Variants in MAST4 observed in about 807,000 individuals in gnomAD.
The protein encoded by MAST4 is microtubule associated serine/threonine kinase family member 4, also known as microtubule-associated serine/threonine-protein kinase 4.
Under a neutral mutation model 162.7 loss-of-function variants are expected in MAST4, and 89 were observed. That is an observed-to-expected ratio of 0.55 (90% CI 0.46 to 0.65). MAST4 has a LOEUF of 0.65. Among genes scored for constraint, MAST4 ranks in the 30% least tolerant of loss-of-function variants. The probability of loss-of-function intolerance (pLI) is 0.00; values close to 1 mark genes in which losing one functional copy is unlikely to be tolerated. For missense variants in MAST4, 3,153 were observed against 3,374.0 expected, an observed-to-expected ratio of 0.93 and a Z score of 1.62; for synonymous variants, 1,479 against 1,361.1, an observed-to-expected ratio of 1.09 and a Z score of -1.91.
chr5:66,962,114 CA>C (rs1276693080), intron 4 of MAST4, among the ~76,000 whole-genome samples: 2 of 152,140 alleles, frequency 1.3e-5, no homozygotes, highest in East Asian at 3.9e-4. Context: ...ATAGTAAGCC[CA>C]AATCTGATTT....
At chr5:66,689,037 G>A (rs1748870845) in intron 1 of MAST4, among the ~76,000 whole-genome samples, 1 of 151,976 alleles carries the variant, frequency 6.6e-6, no homozygotes, top group Non-Finnish European at 1.5e-5. Flanking sequence ...CTATCCTTAG[G>A]AAAAAGTTTT....
intron 4 of MAST4, among the ~76,000 whole-genome samples, chr5:67,017,810 G>T (rs1256630424): frequency 1.3e-5 from 2 of 151,844 alleles, no homozygotes; most frequent in African/African-American, 2.4e-5. Context: ...TGTTGGTCAG[G>T]CTGATCTGGA....
intron 1 of MAST4, among the ~76,000 whole-genome samples, chr5:66,674,409 A>G (rs1280780941): frequency 6.6e-6 from 1 of 152,200 alleles, no homozygotes; most frequent in African/African-American, 2.4e-5. Context: ...CATGACTACT[A>G]CTTGGAGTTC....
At chr5:66,796,058 G>C (rs1426796465) in intron 3 of MAST4, among the ~76,000 whole-genome samples, 1 of 152,178 alleles carries the variant, frequency 6.6e-6, no homozygotes, top group Admixed American at 6.5e-5. Flanking sequence ...TTATAGGTCA[G>C]GCCTAATCCA....
chr5:66,614,803 G>C lies in MAST4; in HGVS notation c.363+17785G>C, dbSNP rs78957416. ...GCAGGGACCTCACGGGACACATGCA[G>C]GGAGAGATCTATAGTTCCCTCGTGT... is the stretch of plus-strand genomic sequence containing the variant. On this transcript the variant is annotated intron_variant, in intron 1 of 28. Coordinates refer to ENST00000403625, the MANE Select transcript of MAST4 (RefSeq NM_001164664.2). Among the ~76,000 whole-genome samples the C allele has an allele frequency of 3.8e-3, 572 of 152,290 alleles. 17 individuals are homozygous for C. In the South Asian group the frequency reaches 0.063, roughly 17 times the overall value.
intron 4 of MAST4, among the ~76,000 whole-genome samples, chr5:67,049,200 A>T (rs750582358): frequency 3.5e-4 from 53 of 151,394 alleles, no homozygotes; most frequent in Non-Finnish European, 5.3e-4. Context: ...TTCTCTTTCT[A>T]GTTTCTATAT....
At chr5:66,883,858 C>A (rs567813621) in intron 3 of MAST4, among the ~76,000 whole-genome samples, 39 of 152,320 alleles carry the variant, frequency 2.6e-4, no homozygotes, top group African/African-American at 9.4e-4. Flanking sequence ...GATTTGATCA[C>A]TGTAGTACAC....
At chr5:66,849,592 GTTCC>G (rs143621351) in intron 3 of MAST4, among the ~76,000 whole-genome samples, 1,895 of 152,236 alleles carry the variant, frequency 0.012, 41 homozygotes, top group African/African-American at 0.043. Context: ...AGGGCAAGGC[GTTCC>G]TTCTGCAGAC....
At position 66,730,326 on chromosome 5, in the gene MAST4, G is replaced by A. The variant is rs1001808015; in HGVS notation, c.364-29383G>A. Among the ~76,000 whole-genome samples the A allele has an allele frequency of 2.0e-5, 3 of 152,126 alleles. No homozygotes were observed. The South Asian group carries it at 6.2e-4, about 32-fold the overall frequency. On this transcript the variant is annotated intron_variant, in intron 1 of 28. Coordinates refer to ENST00000403625, the MANE Select transcript of MAST4 (RefSeq NM_001164664.2). ...TTTTTAGAGGCCAAATGATGATGAT[G>A]TCAACTACTGATGAAGATGAATAGG...
At chr5:66,793,402 C>G (rs1227334764) in intron 3 of MAST4, among the ~76,000 whole-genome samples, 7 of 152,200 alleles carry the variant, frequency 4.6e-5, no homozygotes, top group Non-Finnish European at 8.8e-5. Context: ...TTTGCTTCTT[C>G]CATCTTTCTG....
intron 1 of MAST4, among the ~76,000 whole-genome samples, chr5:66,666,903 G>T (rs1580145485): frequency 6.6e-6 from 1 of 152,214 alleles, no homozygotes; most frequent in African/African-American, 2.4e-5. Flanking sequence ...CAATGCTAGG[G>T]TAAGAATAAG....
intron 12 of MAST4, among the ~76,000 whole-genome samples, chr5:67,116,377 T>G (rs1360347399): frequency 6.6e-6 from 1 of 151,654 alleles, no homozygotes; most frequent in Non-Finnish European, 1.5e-5. Flanking sequence ...AGCTAATTTT[T>G]GTATTTTTAG....
At chr5:66,651,629 T>A (rs1746226952) in intron 1 of MAST4, among the ~76,000 whole-genome samples, 1 of 152,092 alleles carries the variant, frequency 6.6e-6, no homozygotes, top group African/African-American at 2.4e-5. Context: ...CTCCAAAATG[T>A]AGCAGCTTTA....
intron 2 of MAST4, among the ~76,000 whole-genome samples, chr5:66,772,228 T>C (rs1006830911): frequency 6.6e-6 from 1 of 152,152 alleles, no homozygotes; most frequent in South Asian, 2.1e-4. Context: ...GGTGGTACCA[T>C]TTCACACAAC....
At chr5:67,144,530 A>G (rs1770822979) in intron 21 of MAST4, 139 bp from the exon 22 acceptor site, 1 of 817,580 alleles carries the variant, frequency 1.2e-6, no homozygotes, top group Non-Finnish European at 1.9e-6. Context: ...GGTTAACAAC[A>G]CTGGAAAGTA....
chr5:66,688,425 T>C (rs1304878628), intron 1 of MAST4, among the ~76,000 whole-genome samples: 1 of 152,202 alleles, frequency 6.6e-6, no homozygotes, highest in Non-Finnish European at 1.5e-5. Context: ...CAGACCAAGT[T>C]TGGATGAACT....
At chr5:66,717,746 G>T (rs1480240805) in intron 1 of MAST4, among the ~76,000 whole-genome samples, 2 of 152,204 alleles carry the variant, frequency 1.3e-5, no homozygotes, top group Non-Finnish European at 2.9e-5. Flanking sequence ...CTTGGCCTCA[G>T]ATTTGTGTGG....
chr5:66,987,919 G>A (rs137992555), intron 4 of MAST4, among the ~76,000 whole-genome samples: 99 of 152,278 alleles, frequency 6.5e-4, no homozygotes, highest in Middle Eastern at 3.4e-3. Flanking sequence ...ACGTGGTTGC[G>A]TTTAATTAAA....
At chr5:66,918,784 G>A (rs1343536129) in intron 4 of MAST4, among the ~76,000 whole-genome samples, 1 of 152,082 alleles carries the variant, frequency 6.6e-6, no homozygotes, top group Non-Finnish European at 1.5e-5. Flanking sequence ...TTATTCTGTA[G>A]CCAAAAATAA....
Sources: gnomAD v4.1 joint callset for allele counts (sites outside exome capture counted in the v4.1 genomes callset) on GRCh38, gnomAD v4.1.1 for gene constraint, MANE v1.5 for transcripts, NCBI Gene and HGNC (gene_info 2026-07-23, HGNC 2026-07-21) for gene names.